OSMR: variants seen among roughly 807,000 people sequenced by gnomAD.
OSMR encodes oncostatin-M-specific receptor subunit beta.
A neutral mutation model predicts 99.9 loss-of-function variants in OSMR; 81 were observed. The observed-to-expected ratio is 0.81, with a 90% confidence interval of 0.68 to 0.97. The LOEUF (loss-of-function observed/expected upper bound fraction) is 0.97, where lower values mean the gene tolerates loss of function less well. Ranked by LOEUF, OSMR falls within the 50% of genes least tolerant of loss-of-function variation. The pLI, the probability that OSMR is intolerant of heterozygous loss-of-function variation, is 0.00. For missense variants in OSMR, 1,099 were observed against 1,153.4 expected (o/e 0.95, Z 0.68); for synonymous variants, 406 against 410.4 (o/e 0.99, Z 0.13).
chr5:38,846,741 G>C (rs1739861705), intron 1 of OSMR, among the ~76,000 whole-genome samples: 1 of 152,152 alleles, frequency 6.6e-6, no homozygotes, highest in Admixed American at 6.5e-5. Context: ...CGTCCGTCCG[G>C]GGCGCTTACC....
rs1458788879 is a variant in OSMR at position 38,886,167 on chromosome 5, T to C, written c.968T>C (p.Ile323Thr). 6.2e-6 allele frequency: 10 copies of C among 1,613,972 alleles called. No individual in the cohort carries two copies. The highest frequency in any genetic ancestry group is 8.5e-6 in the Non-Finnish European group (10 of 1,179,966). Residue 323 changes from isoleucine to threonine, a missense_variant, in exon 7 of 18, where the codon ATC becomes ACC. Transcript: ENST00000274276. Reference sequence around the variant, plus strand: ...TACTTAAGGAAGAGAAGTGTCAATATCCTTTTTAACCTGACTCATCGAGGT... The same window carrying C: ...TACTTAAGGAAGAGAAGTGTCAATACCCTTTTTAACCTGACTCATCGAGGT... ...ENYLRKRSVN[I>T]LFNLTHRVYL...
chr5:38,930,546 AC>A (rs1006787956), intron 15 of OSMR, among the ~76,000 whole-genome samples: 1 of 151,976 alleles, frequency 6.6e-6, no homozygotes, highest in Non-Finnish European at 1.5e-5. Flanking sequence ...GAATAACTTA[AC>A]CCCCTAAACC....
intron 7 of OSMR, among the ~76,000 whole-genome samples, chr5:38,888,271 T>A (rs13357358): frequency 0.15 from 22,290 of 152,072 alleles, 2,435 homozygotes; most frequent in African/African-American, 0.3. Context: ...CAGGGCACCT[T>A]GATGTTCTGC....
chr5:38,865,927 G>A (rs1741902870), intron 1 of OSMR, among the ~76,000 whole-genome samples: 1 of 152,244 alleles, frequency 6.6e-6, no homozygotes, highest in Non-Finnish European at 1.5e-5. Context: ...CCAGACTCCA[G>A]GTACTGTGTG....
At chr5:38,927,097 G>T (rs185589891) in intron 15 of OSMR, among the ~76,000 whole-genome samples, 4 of 152,344 alleles carry the variant, frequency 2.6e-5, no homozygotes, top group African/African-American at 9.6e-5. Flanking sequence ...CAAGAGATAG[G>T]CTCCTGTGGT....
Position 38,876,248 on chromosome 5 carries a change from A to G in OSMR, c.121A>G (p.Thr41Ala). ...PLTPVSLKVS[T>A]NSTRQSLHLQ... ...GACTCCTGTATCACTTAAAGTTTCCACCAATTCTACGCGTCAGAGTTTGCA... is the reference window on the plus strand; with the variant it reads ...GACTCCTGTATCACTTAAAGTTTCCGCCAATTCTACGCGTCAGAGTTTGCA... The change falls in exon 3 of 18, where the codon ACC becomes GCC. Residue 41 changes from threonine to alanine, a missense_variant. Transcript: ENST00000274276. The G allele has an allele frequency of 6.2e-7, 1 of 1,613,784 alleles. No individual in the cohort carries two copies. Among genetic ancestry groups the G allele is most frequent in the Non-Finnish European group, 8.5e-7 (1 of 1,179,840 alleles).
In OSMR at chr5:38,885,344, G is replaced by A. The variant is rs1459968679; in HGVS notation, c.704-5G>A. 6.2e-7 allele frequency: 1 copy of A among 1,613,678 alleles called. No individual in the cohort carries two copies. The highest frequency in any genetic ancestry group is 1.1e-5 in the South Asian group (1 of 91,060). On this transcript the variant is annotated splice_polypyrimidine_tract_variant and splice_region_variant and intron_variant, in intron 5 of 17. Coordinates refer to ENST00000274276, the MANE Select transcript of OSMR (RefSeq NM_003999.3). ...AACTAGGTCTGTTTTCCTTTGTATGGACAGAAGTACTTGAGGAGCCCAAGG... is the reference window on the plus strand; with the variant it reads ...AACTAGGTCTGTTTTCCTTTGTATGAACAGAAGTACTTGAGGAGCCCAAGG...
chr5:38,903,740 C>T (rs920988262), intron 7 of OSMR, 142 bp from the exon 8 acceptor site: 1 of 1,476,710 alleles, frequency 6.8e-7, no homozygotes, highest in African/African-American at 1.4e-5. Flanking sequence ...TCTAGCTTGT[C>T]TGTAAGTTCT....
chr5:38,915,837 GT>G (rs1745862008), intron 9 of OSMR, among the ~76,000 whole-genome samples: 1 of 152,138 alleles, frequency 6.6e-6, no homozygotes, highest in African/African-American at 2.4e-5. Context: ...AGATAAAGAT[GT>G]TTTTTATGTC....
At chr5:38,861,707 C>T (rs1286078997) in intron 1 of OSMR, among the ~76,000 whole-genome samples, 1 of 150,254 alleles carries the variant, frequency 6.7e-6, no homozygotes, top group Non-Finnish European at 1.5e-5. Flanking sequence ...GGGAGAGGCG[C>T]CCCTCACCTC....
chr5:38,944,050 T>G (rs1188592494), intron 1 of OSMR, among the ~76,000 whole-genome samples: 2 of 152,158 alleles, frequency 1.3e-5, no homozygotes, highest in Non-Finnish European at 2.9e-5. Flanking sequence ...AACTACTATA[T>G]TAGAAATTAA....
chr5:38,854,642 CA>C (rs1740704886), intron 1 of OSMR, among the ~76,000 whole-genome samples: 1 of 151,968 alleles, frequency 6.6e-6, no homozygotes, highest in Non-Finnish European at 1.5e-5. Flanking sequence ...AGATTGAAAG[CA>C]AAGAAGAGAG....
downstream of OSMR, among the ~76,000 whole-genome samples, chr5:38,936,305 TCTA>T (rs767358579): frequency 5.9e-5 from 9 of 152,124 alleles, no homozygotes; most frequent in African/African-American, 1.2e-4. Flanking sequence ...CTAAATAAGC[TCTA>T]CTTTTTCTAA....
chr5:38,852,593 C>A (rs1345082244), intron 1 of OSMR, among the ~76,000 whole-genome samples: 3 of 151,796 alleles, frequency 2.0e-5, no homozygotes, highest in East Asian at 3.9e-4. Context: ...TTTGTATTTC[C>A]CTCTTTTCAT....
Position 38,918,984 on chromosome 5 carries a change from C to T in OSMR, c.1507C>T (p.Gln503Ter). The change falls in exon 11 of 18, where the codon CAA becomes TAA. Residue 503 changes from glutamine (Q) to a stop codon, truncating the protein, a stop_gained. Coordinates refer to ENST00000274276, the MANE Select transcript of OSMR (RefSeq NM_003999.3). LOFTEE classifies it high-confidence loss of function. The stretch of plus-strand genomic sequence containing the variant: ...ACTAATCCTTGACAGGTGTTCCTAC[C>T]AAATCTGCGTCATAGCCAACAACAG... ...TKLILDRCSY[Q>*]ICVIANNSVG... The T allele has an allele frequency of 1.9e-6, 3 of 1,614,082 alleles. No homozygotes were observed. The highest frequency in any genetic ancestry group is 2.5e-6 in the Non-Finnish European group (3 of 1,180,006).
Position 38,902,901 on chromosome 5 carries a change from C to T in OSMR, c.992-981C>T, listed in dbSNP as rs61110834. The stretch of plus-strand genomic sequence containing the variant: ...TGTGCACTAAGCTCCCCTGTTTCCA[C>T]GCTTCTTTCCTCCGCCACAATCCAT... On this transcript the variant is annotated intron_variant, in intron 7 of 17. Coordinates refer to ENST00000274276, the MANE Select transcript of OSMR (RefSeq NM_003999.3). Among the ~76,000 whole-genome samples, 1,003 of 152,270 alleles carry T rather than the reference C, an allele frequency of 6.6e-3. 22 individuals carry two copies. The highest frequency in any genetic ancestry group is 0.022 in the African/African-American group (924 of 41,532).
chr5:38,877,016 T>G (rs1297912790), intron 3 of OSMR, among the ~76,000 whole-genome samples: 1 of 152,212 alleles, frequency 6.6e-6, no homozygotes, highest in Non-Finnish European at 1.5e-5. Context: ...TGGGTCAGTT[T>G]TGCCTGAGGT....
At chr5:38,871,951 A>G (rs929841309) in intron 2 of OSMR, among the ~76,000 whole-genome samples, 1 of 152,056 alleles carries the variant, frequency 6.6e-6, no homozygotes, top group Non-Finnish European at 1.5e-5. Context: ...GTGGGAGGAG[A>G]GTATGTGATT....
chr5:38,862,081 G>A lies in OSMR; in HGVS notation c.-13-6951G>A, dbSNP rs1211208557. On this transcript the variant is annotated intron_variant, in intron 1 of 17. Transcript: ENST00000274276. ...GCGCCCCTCACCTCCCGGACGGGGC[G>A]GCTGGCCGGGTGGGGGGCTGACCCC... Among the ~76,000 whole-genome samples the A allele has an allele frequency of 1.7e-3, 127 of 75,358 alleles. 3 individuals carry two copies. The highest frequency in any genetic ancestry group is 2.8e-3 in the Non-Finnish European group (100 of 36,316). The allele number at this position is 75,358 out of a possible 152,430, so 49.4% of individuals were successfully genotyped here.
Sources: allele counts gnomAD v4.1 joint callset (sites outside exome capture counted in the v4.1 genomes callset), GRCh38; gene constraint gnomAD v4.1.1; transcripts MANE v1.5; gene names NCBI Gene and HGNC (gene_info 2026-07-23, HGNC 2026-07-21).